Variants in FAM193A observed in about 807,000 individuals in gnomAD.
The protein encoded by FAM193A is protein FAM193A.
FAM193A carries 22 observed loss-of-function variants against 126.5 expected under a neutral mutation model. The observed-to-expected ratio is 0.17, with a 90% confidence interval of 0.12 to 0.25. The LOEUF (loss-of-function observed/expected upper bound fraction) is 0.25, where lower values mean the gene tolerates loss of function less well. Among genes scored for constraint, FAM193A ranks in the 10% least tolerant of loss-of-function variants. The pLI is 1.00. For synonymous variants in FAM193A, 761 were observed against 646.8 expected, an observed-to-expected ratio of 1.18 and a Z score of -2.68; for missense variants, 1,675 against 1,672.8, an observed-to-expected ratio of 1.00 and a Z score of -0.02.
chr4:2,699,853 G>A lies in FAM193A; in HGVS notation c.3681G>A (p.Lys1227=). The A allele has an allele frequency of 6.2e-7, 1 of 1,613,984 alleles. No homozygotes were observed. The highest frequency in any genetic ancestry group is 8.5e-7 in the Non-Finnish European group (1 of 1,179,938). ...ELQKLRAVKK[K]KKERPSKDCP... is the part of the protein sequence containing the mutation. The stretch of plus-strand genomic sequence containing the variant: ...AGAAGCTAAGAGCTGTAAAAAAGAA[G>A]AAGAAGGAGAGGCCAAGTAAAGACT... The change falls in exon 19 of 21, where the codon AAG becomes AAA. Residue 1227 remains lysine (K), a synonymous_variant. Coordinates refer to ENST00000637812, the MANE Select transcript of FAM193A (RefSeq NM_001366318.2).
chr4:2,581,132 A>C (rs1030374226), intron 1 of FAM193A, among the ~76,000 whole-genome samples: 4 of 138,420 alleles, frequency 2.9e-5, no homozygotes, highest in Admixed American at 6.9e-5. Flanking sequence ...CCGTCTCAAA[A>C]AACAACAACA....
At chr4:2,580,674 C>G (rs1354459186) in intron 1 of FAM193A, among the ~76,000 whole-genome samples, 2 of 152,222 alleles carry the variant, frequency 1.3e-5, no homozygotes, top group East Asian at 3.9e-4. Context: ...CCCTCTATCT[C>G]TGGCTCCTCA....
chr4:2,704,410 C>T (rs919547509), intron 19 of FAM193A, among the ~76,000 whole-genome samples: 10 of 151,752 alleles, frequency 6.6e-5, no homozygotes, highest in Non-Finnish European at 1.0e-4. Context: ...ACTAAAAATA[C>T]AAAAATTAGT....
At chr4:2,584,062 G>A (rs1740097156) in intron 1 of FAM193A, among the ~76,000 whole-genome samples, 1 of 151,942 alleles carries the variant, frequency 6.6e-6, no homozygotes, top group Admixed American at 6.6e-5. Flanking sequence ...CTTCTTCTTT[G>A]TTTTCTTCTA....
At chr4:2,706,249 A>G (rs998551359) in intron 19 of FAM193A, among the ~76,000 whole-genome samples, 2 of 150,788 alleles carry the variant, frequency 1.3e-5, no homozygotes, top group Non-Finnish European at 3.0e-5. Context: ...TGTCCCAGTG[A>G]TTCAAGATGC....
Position 2,699,840 on chromosome 4 carries a change from C to G in FAM193A, c.3668C>G (p.Ala1223Gly). Residue 1223 changes from alanine (A) to glycine (G), a missense_variant, in exon 19 of 21, where the codon GCT becomes GGT. Physicochemically the swap from Ala to Gly is moderately conservative, Grantham distance 60 (BLOSUM62 0). This residue lies in a region of FAM193A where 415 missense variants were observed against 396.7 expected (regional missense o/e 1.05). Coordinates refer to ENST00000637812, the MANE Select transcript of FAM193A (RefSeq NM_001366318.2). ...CTTCAGGAGCTTCAGAAGCTAAGAG[C>G]TGTAAAAAAGAAGAAGAAGGAGAGG... ...QRLQELQKLRAVKKKKKERPS... is the reference protein window; with the variant it reads ...QRLQELQKLRGVKKKKKERPS... 6.2e-7 allele frequency: 1 copy of G among 1,613,806 alleles called. No homozygotes were observed. The highest frequency in any genetic ancestry group is 8.5e-7 in the Non-Finnish European group (1 of 1,179,900).
intron 7 of FAM193A, among the ~76,000 whole-genome samples, chr4:2,649,408 C>T (rs1258691690): frequency 6.7e-6 from 1 of 150,330 alleles, no homozygotes; most frequent in African/African-American, 2.4e-5. Flanking sequence ...CTTAGTGGCT[C>T]ACACCTGTAT....
intron 13 of FAM193A, 53 bp from the exon 14 acceptor site, chr4:2,689,453 T>G: frequency 7.5e-7 from 1 of 1,333,272 alleles, no homozygotes; most frequent in Non-Finnish European, 1.0e-6. Context: ...ACTACTTACC[T>G]AGGTAAACAG....
intron 1 of FAM193A, among the ~76,000 whole-genome samples, chr4:2,564,642 T>C (rs1326962074): frequency 6.6e-6 from 1 of 152,040 alleles, no homozygotes; most frequent in East Asian, 1.9e-4. Flanking sequence ...AAATAATACA[T>C]AGGAAACAAT....
intron 17 of FAM193A, among the ~76,000 whole-genome samples, chr4:2,696,051 A>C (rs1384833803): frequency 5.3e-5 from 8 of 152,076 alleles, no homozygotes; most frequent in Admixed American, 3.3e-4. Flanking sequence ...TAAATAAATA[A>C]ATAAAATACA....
At chr4:2,714,867 G>A (rs949473410) in intron 19 of FAM193A, among the ~76,000 whole-genome samples, 4 of 152,122 alleles carry the variant, frequency 2.6e-5, no homozygotes, top group Admixed American at 2.6e-4. Flanking sequence ...TGTCCTCTTT[G>A]TTCACATCGA....
intron 5 of FAM193A, among the ~76,000 whole-genome samples, chr4:2,635,888 G>A (rs1198667665): frequency 6.6e-6 from 1 of 152,152 alleles, no homozygotes; most frequent in Non-Finnish European, 1.5e-5. Flanking sequence ...AGATCTCTCT[G>A]TAAAAGCAGT....
At chr4:2,724,070 A>ACTT (rs1307434539) in intron 20 of FAM193A, among the ~76,000 whole-genome samples, 2 of 152,026 alleles carry the variant, frequency 1.3e-5, no homozygotes, top group African/African-American at 4.8e-5. Context: ...TAATTGACAA[A>ACTT]GTATTTTATT....
At position 2,608,212 on chromosome 4, in the gene FAM193A, G is replaced by C. The variant is rs1000365832; in HGVS notation, c.501+11883G>C. Reference sequence around the variant, plus strand: ...TTTCTTTTCTGTTTTCGAGACGGTCGGTCTCGCCCAGTATGGAGTGCAGTG... The same window carrying C: ...TTTCTTTTCTGTTTTCGAGACGGTCCGTCTCGCCCAGTATGGAGTGCAGTG... On this transcript the variant is annotated intron_variant, in intron 2 of 20. Transcript: ENST00000637812. 7 of 1,285,698 alleles carry C rather than the reference G, an allele frequency of 5.4e-6. No homozygotes were observed. The African/African-American group carries it at 6.0e-5, about 11-fold the overall frequency. 79.6% of individuals were successfully genotyped at this position (1,285,698 alleles called of 1,614,324 possible). A position where few individuals can be genotyped will look rare whatever the true frequency, so the allele number is the denominator to read the frequency against.
At chr4:2,595,574 T>G (rs1258306810) in intron 1 of FAM193A, among the ~76,000 whole-genome samples, 4 of 152,226 alleles carry the variant, frequency 2.6e-5, no homozygotes, top group Admixed American at 2.6e-4. Flanking sequence ...CTGCTGGGCC[T>G]GGAAGGGCGT....
intron 15 of FAM193A, among the ~76,000 whole-genome samples, chr4:2,691,353 C>G (rs1465815984): frequency 1.3e-5 from 2 of 152,200 alleles, no homozygotes; most frequent in Non-Finnish European, 2.9e-5. Flanking sequence ...GTAGCTGGGA[C>G]TATAGGTGCC....
chr4:2,684,921 C>G (rs1049851049), intron 13 of FAM193A, among the ~76,000 whole-genome samples: 2 of 152,144 alleles, frequency 1.3e-5, no homozygotes, highest in African/African-American at 4.8e-5. Context: ...AGAGCAAAGC[C>G]GAGCAGGTGC....
At chr4:2,705,485 CTAATA>C (rs1226046132) in intron 19 of FAM193A, among the ~76,000 whole-genome samples, 1 of 151,568 alleles carries the variant, frequency 6.6e-6, no homozygotes, top group Non-Finnish European at 1.5e-5. Flanking sequence ...ATTTATATCC[CTAATA>C]TGTTTGGAAA....
At chr4:2,587,648 C>T (rs868115007) in intron 1 of FAM193A, among the ~76,000 whole-genome samples, 1 of 152,028 alleles carries the variant, frequency 6.6e-6, no homozygotes, top group African/African-American at 2.4e-5. Context: ...GAGCCAAGAT[C>T]GTGCTACTGC....
Sources: gnomAD v4.1 joint callset for allele counts (sites outside exome capture counted in the v4.1 genomes callset) on GRCh38, gnomAD v4.1.1 for gene constraint, gnomAD v4.1.1 regional missense constraint, MANE v1.5 for transcripts, NCBI Gene and HGNC (gene_info 2026-07-23, HGNC 2026-07-21) for gene names.